PTCSC3: variants seen among roughly 807,000 people sequenced by gnomAD.
The protein encoded by PTCSC3 is papillary thyroid carcinoma susceptibility candidate 3 (non-protein coding).
chr14:36,142,542 T>A (rs1881447618), intron 3 of PTCSC3, among the ~76,000 whole-genome samples: 1 of 152,198 alleles, frequency 6.6e-6, no homozygotes, highest in South Asian at 2.1e-4. Context: ...CTGGAAGAGA[T>A]TGTGAAGAAT....
intron 3 of PTCSC3, among the ~76,000 whole-genome samples, chr14:36,152,449 TA>T (rs1881744152): frequency 6.8e-6 from 1 of 147,852 alleles, no homozygotes; most frequent in Admixed American, 6.7e-5. Flanking sequence ...CTGGGCAACA[TA>T]ATGAGATCCC....
chr14:36,173,306 A>G (rs1211319133), intron 1 of PTCSC3, among the ~76,000 whole-genome samples: 1 of 152,146 alleles, frequency 6.6e-6, no homozygotes, highest in Non-Finnish European at 1.5e-5. Flanking sequence ...CTCTACACAT[A>G]TTAGATGAGT....
chr14:36,142,965 T>C (rs949265384), intron 3 of PTCSC3, among the ~76,000 whole-genome samples: 1 of 152,058 alleles, frequency 6.6e-6, no homozygotes, highest in Non-Finnish European at 1.5e-5. Flanking sequence ...ATTTCACCCA[T>C]GTCCCTACAA....
intron 2 of PTCSC3, among the ~76,000 whole-genome samples, chr14:36,154,258 G>T (rs1881783857): frequency 6.6e-6 from 1 of 152,114 alleles, no homozygotes; most frequent in Admixed American, 6.5e-5. Context: ...AGTGATCTGG[G>T]TGGTAGTTAC....
At chr14:36,149,753 A>G (rs1479197007) in intron 3 of PTCSC3, among the ~76,000 whole-genome samples, 1 of 152,150 alleles carries the variant, frequency 6.6e-6, no homozygotes, top group African/African-American at 2.4e-5. Context: ...ATTCTGCTTT[A>G]TCTGAAATCA....
In PTCSC3 at chr14:36,143,092, A is replaced by G. The variant is rs1224148519; in HGVS notation, n.323-6736T>C. Among the ~76,000 whole-genome samples, 5 of 151,262 alleles carry G rather than the reference A, an allele frequency of 3.3e-5. No individual in the cohort carries two copies. In the East Asian group the frequency reaches 9.7e-4, roughly 29 times the overall value. Reference sequence around the variant, plus strand: ...TTTGGGTTAGTTCCAAGTCTTTGCTATTGTGAATAGTGCCGCAATAAACAT... The same window carrying G: ...TTTGGGTTAGTTCCAAGTCTTTGCTGTTGTGAATAGTGCCGCAATAAACAT... On this transcript the variant is annotated intron_variant and non_coding_transcript_variant, in intron 3 of 3. Transcript: ENST00000556013.
chr14:36,153,758 G>A (rs1881772266), intron 3 of PTCSC3: 1 of 152,080 alleles, frequency 6.6e-6, no homozygotes, highest in Non-Finnish European at 1.5e-5. Flanking sequence ...ATTTGTACAT[G>A]GAATATTACA....
chr14:36,146,338 G>A (rs1022349849), intron 3 of PTCSC3, among the ~76,000 whole-genome samples: 3 of 147,292 alleles, frequency 2.0e-5, no homozygotes, highest in Admixed American at 6.8e-5. Context: ...TTATGAATCT[G>A]GGTGCTCCTA....
chr14:36,171,681 G>A lies in PTCSC3; in HGVS notation n.171+4617C>T, dbSNP rs79196568. ...GGGAAAAAATCAGTTTCAACCCCGG[G>A]GGAAAATAACTATCAAAGGCAAGCA... On this transcript the variant is annotated intron_variant and non_coding_transcript_variant, in intron 1 of 3. Coordinates refer to ENST00000556013, the Ensembl canonical transcript of PTCSC3. Among the ~76,000 whole-genome samples, 525 of 152,190 alleles carry A rather than the reference G, an allele frequency of 3.4e-3. 3 individuals carry two copies. The highest frequency in any genetic ancestry group is 0.017 in the Middle Eastern group (5 of 294).
chr14:36,151,255 T>A (rs1881715534), intron 3 of PTCSC3, among the ~76,000 whole-genome samples: 1 of 152,184 alleles, frequency 6.6e-6, no homozygotes, highest in African/African-American at 2.4e-5. Context: ...TATAACTCTA[T>A]CCTTGTTCCT....
intron 3 of PTCSC3, among the ~76,000 whole-genome samples, chr14:36,142,847 C>T (rs1197321156): frequency 7.0e-6 from 1 of 142,574 alleles, no homozygotes; most frequent in African/African-American, 2.6e-5. Flanking sequence ...ATGATATTCC[C>T]CTTCCTGTGT....
At chr14:36,137,799 T>G (rs1053950764) in intron 3 of PTCSC3, among the ~76,000 whole-genome samples, 13 of 152,168 alleles carry the variant, frequency 8.5e-5, no homozygotes, top group Non-Finnish European at 1.6e-4. Flanking sequence ...TATGGGGAAT[T>G]AATACTTATA....
intron 2 of PTCSC3, among the ~76,000 whole-genome samples, chr14:36,156,479 T>C (rs769047823): frequency 1.3e-5 from 2 of 152,178 alleles, no homozygotes; most frequent in Non-Finnish European, 2.9e-5. Flanking sequence ...AGTTCTGGGA[T>C]ACACGTGCAG....
chr14:36,163,657 T>A (rs1022387211), intron 1 of PTCSC3, among the ~76,000 whole-genome samples: 2 of 152,232 alleles, frequency 1.3e-5, no homozygotes, highest in African/African-American at 2.4e-5. Context: ...ACCGTTAAGC[T>A]TAACTAACAT....
chr14:36,158,097 T>G (rs929852734), intron 2 of PTCSC3, among the ~76,000 whole-genome samples: 1 of 152,234 alleles, frequency 6.6e-6, no homozygotes, highest in Non-Finnish European at 1.5e-5. Flanking sequence ...TTTTGCACAT[T>G]GATTTTGTAT....
At chr14:36,169,743 A>G (rs1033961652) in intron 1 of PTCSC3, among the ~76,000 whole-genome samples, 4 of 152,148 alleles carry the variant, frequency 2.6e-5, no homozygotes, top group Admixed American at 2.6e-4. Flanking sequence ...AGCAGCTGGT[A>G]GAGCTCTATG....
intron 3 of PTCSC3, among the ~76,000 whole-genome samples, chr14:36,139,340 G>A (rs1023869488): frequency 2.0e-5 from 3 of 152,180 alleles, no homozygotes; most frequent in African/African-American, 7.2e-5. Flanking sequence ...AACAAAGCCA[G>A]ATGTAAAACA....
chr14:36,159,859 A>T (rs1349243101), intron 2 of PTCSC3, among the ~76,000 whole-genome samples: 1 of 152,074 alleles, frequency 6.6e-6, no homozygotes, highest in Non-Finnish European at 1.5e-5. Flanking sequence ...GTGGGAGTCT[A>T]AGTCTCTTTG....
upstream of PTCSC3, among the ~76,000 whole-genome samples, chr14:36,176,664 G>A (rs985320199): frequency 6.6e-6 from 1 of 152,032 alleles, no homozygotes; most frequent in African/African-American, 2.4e-5. Flanking sequence ...ACTGGGGCCT[G>A]GCCTCCGATA....
Sources: allele counts gnomAD v4.1 joint callset (sites outside exome capture counted in the v4.1 genomes callset), GRCh38; gene constraint gnomAD v4.1.1; transcripts MANE v1.5; gene names NCBI Gene and HGNC (gene_info 2026-07-23, HGNC 2026-07-21).